Variants in MYOM2 observed in about 807,000 individuals in gnomAD.
The protein encoded by MYOM2 is myomesin-2.
Under a neutral mutation model 187.6 loss-of-function variants are expected in MYOM2, and 254 were observed. The ratio of observed to expected loss-of-function variants is 1.35; its 90% CI spans 1.22 to 1.50. The LOEUF is 1.50. Ranked by LOEUF, MYOM2 falls within the 40% of genes most tolerant of loss-of-function variation. The probability of loss-of-function intolerance (pLI) is 0.00; values close to 1 mark genes in which losing one functional copy is unlikely to be tolerated. For missense variants in MYOM2, 2,796 were observed against 1,924.0 expected, an observed-to-expected ratio of 1.45 and a Z score of -8.48; for synonymous variants, 981 against 753.8, an observed-to-expected ratio of 1.30 and a Z score of -4.94.
In MYOM2 at chr8:2,090,132, G is replaced by T; in HGVS notation, c.1769G>T (p.Arg590Leu). 1.2e-6 allele frequency: 2 copies of T among 1,614,052 alleles called. No individual in the cohort carries two copies. The highest frequency in any genetic ancestry group is 1.7e-6 in the Non-Finnish European group (2 of 1,179,988). Residue 590 changes from arginine to leucine, a missense_variant, in exon 15 of 37, where the codon CGG (arginine) becomes CTG (leucine). Physicochemically the swap from Arg to Leu is moderately radical, Grantham distance 102. Transcript: ENST00000262113. ...GTGTTCCGAGTGCTGTCAGCAAACC[G>T]GCATGGCCTGAGCGAACCTTCGGAG... ...SYVFRVLSAN[R>L]HGLSEPSEIT...
At chr8:2,135,594 G>T (rs575313526) in intron 32 of MYOM2, among the ~76,000 whole-genome samples, 20 of 152,248 alleles carry the variant, frequency 1.3e-4, no homozygotes, top group African/African-American at 4.3e-4. Flanking sequence ...GCACGAAGGA[G>T]CAGAAACGTG....
chr8:2,122,322 T>C (rs1002631668), intron 28 of MYOM2, among the ~76,000 whole-genome samples: 6 of 152,246 alleles, frequency 3.9e-5, no homozygotes, highest in Admixed American at 2.0e-4. Context: ...CTTCCATCTA[T>C]GTATTCCACA....
chr8:2,116,366 C>T (rs1172670986), intron 27 of MYOM2, 91 bp downstream of exon 27: 1 of 1,260,908 alleles, frequency 7.9e-7, no homozygotes, highest in Non-Finnish European at 1.1e-6. Context: ...TGCATGATCC[C>T]AAGCAACCCT....
rs1310027453 is a variant in MYOM2 at position 2,098,944 on chromosome 8, G to A, written c.2401G>A (p.Glu801Lys). The A allele has an allele frequency of 1.2e-6, 2 of 1,613,462 alleles. No individual in the cohort carries two copies. Among genetic ancestry groups the A allele is most frequent in the African/African-American group, 2.7e-5 (2 of 74,942 alleles). ...AGIGEPSDPS[E>K]HFKCEAWTMP... The stretch of plus-strand genomic sequence containing the variant: ...CATCGGGGAGCCCTCAGATCCCAGT[G>A]AGCACTTCAAGTGTGAGGCCTGGAC... Residue 801 changes from glutamate to lysine, a missense_variant, in exon 19 of 37, where the codon GAG becomes AAG. Coordinates refer to ENST00000262113, the MANE Select transcript of MYOM2 (RefSeq NM_003970.4).
At position 2,144,961 on chromosome 8, in the gene MYOM2, G is replaced by T; in HGVS notation, c.4378G>T (p.Ala1460Ser). The change falls in exon 37 of 37, where the codon GCC becomes TCC. Residue 1460 changes from alanine (A) to serine (S), a missense_variant. Coordinates refer to ENST00000262113, the MANE Select transcript of MYOM2 (RefSeq NM_003970.4). Reference sequence around the variant, plus strand: ...CAAGCCCAAGCTCATCCCCGCGTCTGCCTCAGCGGCAGGCCAGTGAAGGCG... The same window carrying T: ...CAAGCCCAAGCTCATCCCCGCGTCTTCCTCAGCGGCAGGCCAGTGAAGGCG... ...QAKPKLIPAS[A>S]SAAGQ 6.2e-7 allele frequency: 1 copy of T among 1,614,076 alleles called. No individual in the cohort carries two copies. The highest frequency in any genetic ancestry group is 8.5e-7 in the Non-Finnish European group (1 of 1,180,016).
chr8:2,090,240 G>A (rs755780456), intron 15 of MYOM2, 49 bp downstream of exon 15: 5 of 1,548,878 alleles, frequency 3.2e-6, no homozygotes, highest in Non-Finnish European at 4.4e-6. Flanking sequence ...CTAAGAGTGG[G>A]GTGACACCAA....
chr8:2,093,767 G>A (rs1261969810), intron 16 of MYOM2, among the ~76,000 whole-genome samples: 1 of 152,246 alleles, frequency 6.6e-6, no homozygotes, highest in Non-Finnish European at 1.5e-5. Context: ...TTGGCACCAC[G>A]TGTAGTCAGC....
intron 25 of MYOM2, among the ~76,000 whole-genome samples, chr8:2,113,423 G>A (rs191821307): frequency 6.6e-6 from 1 of 152,322 alleles, no homozygotes; most frequent in African/African-American, 2.4e-5. Flanking sequence ...GGTGAGCTGG[G>A]AGCAGGTGAA....
chr8:2,096,497 G>A, intron 18 of MYOM2, 63 bp downstream of exon 18: 1 of 1,497,158 alleles, frequency 6.7e-7, no homozygotes, highest in African/African-American at 1.4e-5. Flanking sequence ...TTTTGGCAAT[G>A]TTTCTGCGTT....
intron 27 of MYOM2, 53 bp from the exon 28 acceptor site, chr8:2,117,832 A>G (rs1001749665): frequency 7.7e-6 from 10 of 1,290,732 alleles, no homozygotes; most frequent in South Asian, 6.3e-5. Flanking sequence ...CTATATATTT[A>G]TTTGTTTACT....
In MYOM2 at chr8:2,050,757, G is replaced by C. The variant is rs1267965027; in HGVS notation, c.-10G>C. The C allele has an allele frequency of 6.3e-7, 1 of 1,594,268 alleles. No individual in the cohort carries two copies. On this transcript the variant is annotated splice_region_variant and 5_prime_UTR_variant, in exon 2 of 37. Coordinates refer to ENST00000262113, the MANE Select transcript of MYOM2 (RefSeq NM_003970.4). The stretch of plus-strand genomic sequence containing the variant: ...GTTGTGTGTGACTCTCTTTGTAGGA[G>C]CACGCCAAGATGTCCCTTGTGACTG...
In MYOM2 at chr8:2,138,079, C is replaced by A. The variant is rs62480010; in HGVS notation, c.3801-2644C>A. On this transcript the variant is annotated intron_variant, in intron 32 of 36. Coordinates refer to ENST00000262113, the MANE Select transcript of MYOM2 (RefSeq NM_003970.4). ...CAGGGATGAGTAGGTCTGAGTGCTG[C>A]AATGGCCCATCAATCCCTTTAGTAA... is the stretch of plus-strand genomic sequence containing the variant. 9.5e-3 allele frequency among the ~76,000 whole-genome samples: 1,450 copies of A among 152,286 alleles called. 30 individuals carry two copies. The highest frequency in any genetic ancestry group is 0.033 in the African/African-American group (1,372 of 41,550).
At chr8:2,085,709 G>A (rs113131798) in intron 14 of MYOM2, among the ~76,000 whole-genome samples, 2 of 13,984 alleles carry the variant, frequency 1.4e-4, no homozygotes, top group Non-Finnish European at 1.2e-4. Flanking sequence ...CCCCACTGTC[G>A]TGATCTCTTT....
intron 32 of MYOM2, among the ~76,000 whole-genome samples, chr8:2,138,079 C>G (rs62480010): frequency 0.049 from 7,518 of 152,282 alleles, 568 homozygotes; most frequent in African/African-American, 0.16. Context: ...CTGAGTGCTG[C>G]AATGGCCCAT....
intron 32 of MYOM2, among the ~76,000 whole-genome samples, chr8:2,131,643 C>CTT (rs5888888): frequency 1.1e-4 from 12 of 113,948 alleles, no homozygotes; most frequent in South Asian, 5.7e-4. Flanking sequence ...GCATTTCTTT[C>CTT]TTTTTTTTTT....
chr8:2,076,093 C>G, intron 10 of MYOM2, 48 bp from the exon 11 acceptor site: 1 of 1,574,276 alleles, frequency 6.4e-7, no homozygotes, highest in East Asian at 2.3e-5. Context: ...TTGCAGTGAC[C>G]CCAGCCTTTA....
intron 1 of MYOM2, among the ~76,000 whole-genome samples, chr8:2,050,101 G>A (rs1350189861): frequency 6.6e-6 from 1 of 152,044 alleles, no homozygotes; most frequent in Non-Finnish European, 1.5e-5. Context: ...CGTTCCCCAG[G>A]CAGACACCCG....
At chr8:2,110,133 G>C (rs1352524872) in intron 25 of MYOM2, among the ~76,000 whole-genome samples, 1 of 152,116 alleles carries the variant, frequency 6.6e-6, no homozygotes, top group Non-Finnish European at 1.5e-5. Flanking sequence ...GACCAGCCTG[G>C]GCAACATAAG....
chr8:2,092,101 G>C (rs976347916), intron 15 of MYOM2, among the ~76,000 whole-genome samples: 1 of 152,146 alleles, frequency 6.6e-6, no homozygotes, highest in African/African-American at 2.4e-5. Flanking sequence ...ATTCAGGATG[G>C]ATGTCATCCT....
Sources: gnomAD v4.1 joint callset for allele counts (sites outside exome capture counted in the v4.1 genomes callset) on GRCh38, gnomAD v4.1.1 for gene constraint, MANE v1.5 for transcripts, NCBI Gene and HGNC (gene_info 2026-07-23, HGNC 2026-07-21) for gene names.